Variants in DPP6 observed in about 807,000 individuals in gnomAD.
DPP6 encodes the protein dipeptidyl peptidase like 6.
In DPP6, 69 loss-of-function variants were observed where a neutral mutation model predicts 122.6. That is an observed-to-expected ratio of 0.56 (90% CI 0.46 to 0.69). DPP6 has a LOEUF of 0.69. Among genes scored for constraint, DPP6 ranks in the 30% least tolerant of loss-of-function variants. DPP6 has a pLI of 0.00. For synonymous variants in DPP6, 418 were observed against 433.1 expected (o/e 0.97, Z 0.43); for missense variants, 928 against 1,116.9 (o/e 0.83, Z 2.41).
rs371145338 is a variant in DPP6, at chr7:154,090,828, A to G, written c.243+37765A>G. 4.0e-5 allele frequency among the ~76,000 whole-genome samples: 6 copies of G among 149,952 alleles called. No homozygotes were observed. In the Admixed American group the frequency reaches 4.0e-4, roughly 10 times the overall value. Reference sequence around the variant, plus strand: ...AATAGTTTGTGTGGCTACTTTCAAAATTCAATTCTGGGCCGTTTGCGGTGG... The same window carrying G: ...AATAGTTTGTGTGGCTACTTTCAAAGTTCAATTCTGGGCCGTTTGCGGTGG... On this transcript the variant is annotated intron_variant, in intron 1 of 25. Transcript: ENST00000377770.
intron 1 of DPP6, among the ~76,000 whole-genome samples, chr7:154,325,007 G>T (rs1320880466): frequency 6.6e-6 from 1 of 151,734 alleles, no homozygotes; most frequent in Admixed American, 6.6e-5. Context: ...TGGGACTACA[G>T]ATGTGTACCA....
At chr7:154,730,998 G>A (rs187609212) in intron 8 of DPP6, among the ~76,000 whole-genome samples, 3 of 152,348 alleles carry the variant, frequency 2.0e-5, no homozygotes, top group African/African-American at 4.8e-5. Flanking sequence ...AATCACAGTT[G>A]ATGTGGCAGC....
At chr7:154,177,227 C>A (rs1797850773) in intron 1 of DPP6, among the ~76,000 whole-genome samples, 1 of 152,094 alleles carries the variant, frequency 6.6e-6, no homozygotes, top group African/African-American at 2.4e-5. Flanking sequence ...GCTACGGATG[C>A]ATAGAAATGG....
intron 1 of DPP6, among the ~76,000 whole-genome samples, chr7:153,966,487 C>T (rs1416183207): frequency 7.5e-5 from 11 of 146,386 alleles, no homozygotes; most frequent in Non-Finnish European, 1.0e-4. Flanking sequence ...TTGGCCCCTT[C>T]TCCCGTTCAT....
intron 1 of DPP6, among the ~76,000 whole-genome samples, chr7:154,420,230 G>A (rs747905251): frequency 4.5e-4 from 68 of 152,220 alleles, no homozygotes; most frequent in African/African-American, 1.6e-3. Flanking sequence ...CCAGCTACTC[G>A]GGATGCTGAG....
intron 1 of DPP6, among the ~76,000 whole-genome samples, chr7:154,144,682 C>T (rs1182374945): frequency 2.0e-5 from 3 of 152,038 alleles, no homozygotes; most frequent in Admixed American, 6.6e-5. Flanking sequence ...TTAGCCCTCA[C>T]CTCCAGTCTG....
At chr7:154,126,938 C>A (rs896645032) in intron 1 of DPP6, among the ~76,000 whole-genome samples, 1 of 152,162 alleles carries the variant, frequency 6.6e-6, no homozygotes, top group Non-Finnish European at 1.5e-5. Flanking sequence ...CCCCAAGCCA[C>A]CATAACACTT....
intron 1 of DPP6, chr7:154,038,384 T>TA (rs1324038994): frequency 3.9e-4 from 24 of 61,424 alleles, no homozygotes; most frequent in Middle Eastern, 6.8e-3. Context: ...TTTTCAATTT[T>TA]AAAAAAAAAT....
At position 154,512,919 on chromosome 7, in the gene DPP6, C is replaced by T. The variant is rs771286903; in HGVS notation, c.458-27613C>T. On this transcript the variant is annotated intron_variant, in intron 3 of 25. Coordinates refer to ENST00000377770, the MANE Select transcript of DPP6 (RefSeq NM_130797.4). ...CAACTGTGGGAGACCATAGACTAGA[C>T]GATGGCTTTCTTACCTGCAGGAACA... Among the ~76,000 whole-genome samples, 8 of 152,128 alleles carry T rather than the reference C, an allele frequency of 5.3e-5. No individual in the cohort carries two copies. The East Asian group carries it at 5.8e-4, about 11-fold the overall frequency.
intron 7 of DPP6, among the ~76,000 whole-genome samples, chr7:154,722,611 A>G (rs1472195833): frequency 6.6e-6 from 1 of 152,176 alleles, no homozygotes; most frequent in Non-Finnish European, 1.5e-5. Flanking sequence ...CGTATGAGAT[A>G]AATCAGGGGC....
intron 7 of DPP6, among the ~76,000 whole-genome samples, chr7:154,718,552 C>G (rs772004495): frequency 1.3e-4 from 20 of 149,958 alleles, no homozygotes; most frequent in Non-Finnish European, 2.2e-4. Context: ...TACTCCCACA[C>G]CCCCCCCAAC....
intron 1 of DPP6, among the ~76,000 whole-genome samples, chr7:154,195,551 C>T (rs180822674): frequency 1.5e-4 from 23 of 152,292 alleles, no homozygotes; most frequent in African/African-American, 5.3e-4. Flanking sequence ...TCTTCTGTGG[C>T]ACTGATGGGA....
intron 7 of DPP6, among the ~76,000 whole-genome samples, chr7:154,680,707 A>C (rs2131165746): frequency 6.6e-6 from 1 of 152,146 alleles, no homozygotes; most frequent in African/African-American, 2.4e-5. Flanking sequence ...AAAAAAATTA[A>C]AAAGAGAAGA....
intron 1 of DPP6, among the ~76,000 whole-genome samples, chr7:154,417,859 A>G (rs1384192592): frequency 1.7e-4 from 26 of 152,046 alleles, no homozygotes; most frequent in Non-Finnish European, 1.5e-5. Context: ...GCGACCTCTT[A>G]TTTGCTTTTG....
chr7:154,176,959 A>C (rs4725529), intron 1 of DPP6, among the ~76,000 whole-genome samples: 96,529 of 151,880 alleles, frequency 0.64, 32,704 homozygotes, highest in East Asian at 0.91. Context: ...TCAGCCTCCC[A>C]AGTAGCTAGG....
intron 1 of DPP6, among the ~76,000 whole-genome samples, chr7:154,360,643 G>T (rs1323154793): frequency 6.6e-6 from 1 of 152,226 alleles, no homozygotes; most frequent in Non-Finnish European, 1.5e-5. Context: ...GTAGAAGATG[G>T]TTGGCTTGTG....
rs531682774 is a variant in DPP6, at chr7:154,196,696, C to T, written c.243+143633C>T. 5.9e-5 allele frequency among the ~76,000 whole-genome samples: 9 copies of T among 152,250 alleles called. No individual in the cohort carries two copies. The South Asian group carries it at 1.9e-3, about 32-fold the overall frequency. ...AGCCAGTTGCCCCAAAGGCATTTGA[C>T]TTAGATTAACCTGAAAACATCGATG... On this transcript the variant is annotated intron_variant, in intron 1 of 25. Transcript: ENST00000377770.
At chr7:154,274,300 A>G (rs189200687) in intron 1 of DPP6, among the ~76,000 whole-genome samples, 1 of 152,206 alleles carries the variant, frequency 6.6e-6, no homozygotes, top group South Asian at 2.1e-4. Flanking sequence ...TTGGGATTCT[A>G]TAGTTCCTCA....
intron 1 of DPP6, among the ~76,000 whole-genome samples, chr7:154,321,277 TAA>T (rs557107236): frequency 7.1e-5 from 10 of 140,466 alleles, no homozygotes; most frequent in African/African-American, 7.8e-5. Context: ...ACCCTGTCTT[TAA>T]AAAAAAAAAA....
Sources: allele counts gnomAD v4.1 joint callset (sites outside exome capture counted in the v4.1 genomes callset), GRCh38; gene constraint gnomAD v4.1.1; transcripts MANE v1.5; gene names NCBI Gene and HGNC (gene_info 2026-07-23, HGNC 2026-07-21).